The following MYO9B variants were observed in gnomAD, a reference collection of about 807,000 sequenced individuals.
The protein encoded by MYO9B is unconventional myosin-IXb.
MYO9B carries 71 observed loss-of-function variants against 229.5 expected under a neutral mutation model. That is an observed-to-expected ratio of 0.31 (90% confidence interval 0.26 to 0.38). MYO9B has a LOEUF of 0.38. Among genes scored for constraint, MYO9B ranks in the 10% least tolerant of loss-of-function variants. MYO9B has a pLI of 1.00. For missense variants in MYO9B, 2,255 were observed against 2,920.5 expected (o/e 0.77, Z 5.25); for synonymous variants, 1,185 against 1,235.8 (o/e 0.96, Z 0.86).
chr19:17,185,618 CA>C (rs1458746792), intron 17 of MYO9B, among the ~76,000 whole-genome samples: 1 of 152,072 alleles, frequency 6.6e-6, no homozygotes, highest in African/African-American at 2.4e-5. Context: ...ACACATGTTT[CA>C]AATCTCCAGA....
chr19:17,098,247 G>T (rs911725943), intron 1 of MYO9B, among the ~76,000 whole-genome samples: 1 of 152,120 alleles, frequency 6.6e-6, no homozygotes, highest in Non-Finnish European at 1.5e-5. Context: ...TACAGACAGG[G>T]TTTCACCATG....
intron 1 of MYO9B, among the ~76,000 whole-genome samples, chr19:17,088,313 C>G (rs1001294071): frequency 1.3e-5 from 2 of 152,222 alleles, no homozygotes; most frequent in Non-Finnish European, 2.9e-5. Flanking sequence ...TGGGGCCCAC[C>G]CTTGTCCAGT....
rs772690809 is a variant in MYO9B, at chr19:17,194,679, T to C, written c.3252T>C (p.Ala1084=). 1 of 1,612,772 alleles carries C rather than the reference T, an allele frequency of 6.2e-7. No homozygotes were observed. The highest frequency in any genetic ancestry group is 8.5e-7 in the Non-Finnish European group (1 of 1,179,838). The change falls in exon 22 of 40, where the codon GCT becomes GCC. Residue 1084 remains alanine, a synonymous_variant. Transcript: ENST00000682292. ...QGQAAGGQQV[A]EQGPEPAEDG... ...AGGCGGCTGGAGGGCAGCAGGTAGC[T>C]GAGCAGGGGCCGGAGCCAGCGGAGG...
chr19:17,198,452 G>A, intron 24 of MYO9B, 144 bp downstream of exon 24: 2 of 1,208,800 alleles, frequency 1.7e-6, no homozygotes, highest in Non-Finnish European at 2.3e-6. Context: ...AACTGAATGG[G>A]GAGGCCAGGC....
chr19:17,172,981 A>G lies in MYO9B; in HGVS notation c.2140+18A>G. On this transcript the variant is annotated intron_variant, in intron 13 of 39. Transcript: ENST00000682292. This position sits in a 1 kb window ranked among gnomAD's most constrained non-coding sequence, Gnocchi z 8.2. The stretch of plus-strand genomic sequence containing the variant: ...GGCTGCAGGTGGGAGCTGGGGCGTG[A>G]ACCCACAAAAGCGTCACTGTCGAGA... 6.3e-7 allele frequency: 1 copy of G among 1,595,068 alleles called. No individual in the cohort carries two copies. The highest frequency in any genetic ancestry group is 8.5e-7 in the Non-Finnish European group (1 of 1,177,874).
At position 17,207,227 on chromosome 19, in the gene MYO9B, C is replaced by A. The variant is rs758115146; in HGVS notation, c.5607C>A (p.Asp1869Glu). 2 of 1,598,058 alleles carry A rather than the reference C, an allele frequency of 1.3e-6. No homozygotes were observed. Among genetic ancestry groups the A allele is most frequent in the Non-Finnish European group, 1.7e-6 (2 of 1,173,630 alleles). The part of the protein sequence containing the change: ...DNSDPLTSMK[D>E]VLKITTCVEM... ...CGGACCCGCTGACCAGCATGAAGGACGTCCTCAAGATCACCACGTGAGTGC... is the reference window on the plus strand; with the variant it reads ...CGGACCCGCTGACCAGCATGAAGGAAGTCCTCAAGATCACCACGTGAGTGC... Residue 1869 changes from aspartate (D) to glutamate (E), a missense_variant, in exon 35 of 40, where the codon GAC (aspartate) becomes GAA (glutamate). Physicochemically the swap from Asp to Glu is conservative, Grantham distance 45 (BLOSUM62 2). This residue lies in a region of MYO9B where 416 missense variants were observed against 605.5 expected (regional missense o/e 0.69). Transcript: ENST00000682292.
chr19:17,201,510 C>G (rs1225639397), intron 26 of MYO9B, among the ~76,000 whole-genome samples: 1 of 152,126 alleles, frequency 6.6e-6, no homozygotes, highest in Non-Finnish European at 1.5e-5. Context: ...TAAGGTATGG[C>G]TGGGTGTTGA....
chr19:17,146,213 C>T (rs867946287), intron 3 of MYO9B, among the ~76,000 whole-genome samples: 2 of 103,298 alleles, frequency 1.9e-5, no homozygotes, highest in Admixed American at 9.4e-5. Flanking sequence ...ATGGATGGAT[C>T]GATGGATTGA....
chr19:17,211,897 C>T lies in MYO9B; in HGVS notation c.6061C>T (p.Pro2021Ser), dbSNP rs765761161. Residue 2021 changes from proline (P) to serine (S), a missense_variant and splice_region_variant, in exon 40 of 40, where the codon CCC becomes TCC. This residue lies in a region of MYO9B where 331 missense variants were observed against 332.5 expected (regional missense o/e 1.00). Coordinates refer to ENST00000682292, the MANE Select transcript of MYO9B (RefSeq NM_004145.4). The stretch of plus-strand genomic sequence containing the variant: ...CCCTGCCATCTGTCTCTCAAAAGGG[C>T]CCCCTGCGCCTGCTCTCCCTTGCCC... Reference protein sequence around the residue: ...ERAGRGASEGPPAPALPCPGA... With the variant: ...ERAGRGASEGSPAPALPCPGA... 7.0e-6 allele frequency: 11 copies of T among 1,578,266 alleles called. No homozygotes were observed. The highest frequency in any genetic ancestry group is 9.5e-6 in the Non-Finnish European group (11 of 1,160,280).
intron 1 of MYO9B, among the ~76,000 whole-genome samples, chr19:17,090,873 C>T (rs1186772610): frequency 6.6e-6 from 1 of 152,162 alleles, no homozygotes; most frequent in Admixed American, 6.6e-5. Flanking sequence ...GTTCCTCCAT[C>T]CCCAATCTGC....
intron 2 of MYO9B, among the ~76,000 whole-genome samples, chr19:17,109,477 A>C (rs2057826836): frequency 6.6e-6 from 1 of 152,192 alleles, no homozygotes; most frequent in African/African-American, 2.4e-5. Context: ...CCCATTTTAA[A>C]GATGAGGAAA....
At chr19:17,113,716 C>T (rs78352768) in intron 2 of MYO9B, among the ~76,000 whole-genome samples, 5,130 of 152,134 alleles carry the variant, frequency 0.034, 123 homozygotes, top group Non-Finnish European at 0.049. Flanking sequence ...GTGGCCTCCC[C>T]GGGATGTTTG....
intron 11 of MYO9B, 131 bp downstream of exon 11, chr19:17,168,195 C>CAAAA: frequency 1.6e-6 from 2 of 1,256,228 alleles, no homozygotes; most frequent in Non-Finnish European, 2.2e-6. Flanking sequence ...GACAGGGTCT[C>CAAAA]ACTCTGTCAC....
At chr19:17,128,211 T>G (rs2072148994) in intron 2 of MYO9B, among the ~76,000 whole-genome samples, 1 of 121,436 alleles carries the variant, frequency 8.2e-6, no homozygotes, top group African/African-American at 3.5e-5. Context: ...ACCCTATCTA[T>G]ACTGAAAAAA....
At chr19:17,180,905 C>T (rs894749970) in intron 14 of MYO9B, 22 bp from the exon 15 acceptor site, 5 of 1,521,716 alleles carry the variant, frequency 3.3e-6, no homozygotes, top group Non-Finnish European at 4.5e-6. Context: ...TGTCACTGCG[C>T]CCCCTCCACC....
At chr19:17,170,404 G>A (rs546945549) in intron 11 of MYO9B, among the ~76,000 whole-genome samples, 1 of 152,114 alleles carries the variant, frequency 6.6e-6, no homozygotes, top group South Asian at 2.1e-4. Context: ...CCAAGGGGCT[G>A]GCCAGAGACT....
intron 1 of MYO9B, among the ~76,000 whole-genome samples, chr19:17,084,570 A>G (rs570833916): frequency 5.5e-4 from 84 of 151,484 alleles, no homozygotes; most frequent in Non-Finnish European, 1.1e-3. Flanking sequence ...AACAACCCTT[A>G]ATATGTCTCT....
intron 14 of MYO9B, among the ~76,000 whole-genome samples, chr19:17,179,457 C>T (rs1428151583): frequency 2.2e-5 from 3 of 133,958 alleles, no homozygotes; most frequent in East Asian, 2.3e-4. Flanking sequence ...GACAGAGTCT[C>T]ACTCTGTTGC....
At chr19:17,194,262 A>T (rs760517648) in intron 21 of MYO9B, among the ~76,000 whole-genome samples, 1 of 152,172 alleles carries the variant, frequency 6.6e-6, no homozygotes. Context: ...ACCCCAAAGG[A>T]GTTTGAGGCT....
Sources: gnomAD v4.1 joint callset for allele counts (sites outside exome capture counted in the v4.1 genomes callset) on GRCh38, gnomAD v4.1.1 for gene constraint, gnomAD v4.1.1 regional missense constraint, Gnocchi (gnomAD v3.1) non-coding constraint, MANE v1.5 for transcripts, NCBI Gene and HGNC (gene_info 2026-07-23, HGNC 2026-07-21) for gene names.